Variants in OLFM1 observed in about 807,000 individuals in gnomAD.
The protein encoded by OLFM1 is noelin.
In OLFM1, 9 loss-of-function variants were observed where a neutral mutation model predicts 49.7. The ratio of observed to expected loss-of-function variants is 0.18; its 90% CI spans 0.11 to 0.32. The LOEUF is 0.32. Among genes scored for constraint, OLFM1 ranks in the 10% least tolerant of loss-of-function variants. OLFM1 has a pLI of 1.00. For missense variants in OLFM1, 369 were observed against 661.8 expected, an observed-to-expected ratio of 0.56 and a Z score of 4.85; for synonymous variants, 240 against 271.8, an observed-to-expected ratio of 0.88 and a Z score of 1.15.
Position 135,098,027 on chromosome 9 carries a change from A to G in OLFM1, c.457-259A>G. ...CATTTTTTGAAAAAGAAAGAAAAAA[A>G]AAACTTCGTGTATGTGACTCAAAGC... is the stretch of plus-strand genomic sequence containing the variant. On this transcript the variant is annotated intron_variant, in intron 3 of 5. Transcript: ENST00000371793. The surrounding 1 kb of genome is among the most constrained non-coding windows in gnomAD (Gnocchi z 5.6). 2 of 1,420,044 alleles carry G rather than the reference A, an allele frequency of 1.4e-6. No homozygotes were observed. The highest frequency in any genetic ancestry group is 3.1e-5 in the Admixed American group (1 of 31,790). The allele number at this position is 1,420,044 out of a possible 1,614,324, so 88.0% of individuals were successfully genotyped here.
intron 1 of OLFM1, chr9:135,077,341 T>A (rs1830481421): frequency 7.5e-7 from 1 of 1,324,864 alleles, no homozygotes; most frequent in Admixed American, 3.0e-5. Flanking sequence ...CAAGCCTTAA[T>A]GGCACCCTGA....
chr9:135,077,171 C>G (rs1464697353), intron 1 of OLFM1: 3 of 1,544,544 alleles, frequency 1.9e-6, no homozygotes, highest in Non-Finnish European at 1.7e-6. Flanking sequence ...CACACACATG[C>G]ACACACAGGG....
At position 135,098,033 on chromosome 9, in the gene OLFM1, TC is replaced by T; in HGVS notation, c.457-252del. 2.8e-6 allele frequency: 4 copies of T among 1,420,046 alleles called. No homozygotes were observed. The highest frequency in any genetic ancestry group is 2.7e-6 in the Non-Finnish European group (3 of 1,094,918). The allele number at this position is 1,420,046 out of a possible 1,614,324, so 88.0% of individuals were successfully genotyped here. On this transcript the variant is annotated intron_variant, in intron 3 of 5. Transcript: ENST00000371793. The surrounding 1 kb of genome is among the most constrained non-coding windows in gnomAD (Gnocchi z 5.6). Reference sequence around the variant, plus strand: ...TTGAAAAAGAAAGAAAAAAAAAACTTCGTGTATGTGACTCAAAGCATGTAAC... The same window carrying T: ...TTGAAAAAGAAAGAAAAAAAAAACTTGTGTATGTGACTCAAAGCATGTAAC...
Position 135,080,993 on chromosome 9 carries a change from T to C in OLFM1, c.96+5191T>C, listed in dbSNP as rs979993372. Among the ~76,000 whole-genome samples the C allele has an allele frequency of 9.3e-5, 14 of 151,244 alleles. No individual in the cohort carries two copies. Among genetic ancestry groups the C allele is most frequent in the African/African-American group, 3.4e-4 (14 of 41,270 alleles). On this transcript the variant is annotated intron_variant, in intron 1 of 5. Coordinates refer to the OLFM1 transcript ENST00000252854. This position sits in a 1 kb window ranked among gnomAD's most constrained non-coding sequence, Gnocchi z 4.5. The stretch of plus-strand genomic sequence containing the variant: ...ATAATAATGATAGTAAATAATATAC[T>C]ATATAAGATAAATAATGTAAGAAAC...
chr9:135,075,997 G>A (rs73664040), intron 1 of OLFM1: 1 of 1,437,060 alleles, frequency 7.0e-7, no homozygotes, highest in Non-Finnish European at 9.1e-7. Flanking sequence ...CAGGCTGACC[G>A]GAGACGGCGC....
chr9:135,116,048 G>A (rs1034637431), intron 5 of OLFM1, among the ~76,000 whole-genome samples: 9 of 152,200 alleles, frequency 5.9e-5, no homozygotes, highest in African/African-American at 1.9e-4. Context: ...ACTGTATTTG[G>A]GGCCGCCTCC....
intron 3 of OLFM1, chr9:135,097,629 A>G (rs1206485928): frequency 2.7e-6 from 2 of 732,540 alleles, no homozygotes; most frequent in African/African-American, 1.7e-5. Context: ...AGGGAATCTC[A>G]ATAACTCTTA....
chr9:135,106,833 T>G lies in OLFM1; in HGVS notation c.761T>G (p.Leu254Arg). ...SRFGSWMTDPLAPEGDNRVWY... is the reference protein window; with the variant it reads ...SRFGSWMTDPRAPEGDNRVWY... ...TTCGGATCCTGGATGACAGACCCTC[T>G]CGCCCCTGAAGGCGATAACCGGGTG... Residue 254 changes from leucine to arginine, a missense_variant, in exon 5 of 6, where the codon CTC becomes CGC. Transcript: ENST00000371793. 1.2e-6 allele frequency: 2 copies of G among 1,611,892 alleles called. No individual in the cohort carries two copies. The highest frequency in any genetic ancestry group is 1.7e-6 in the Non-Finnish European group (2 of 1,179,140).
At chr9:135,075,846 C>A in intron 1 of OLFM1, 1 of 1,547,454 alleles carries the variant, frequency 6.5e-7, no homozygotes, top group Non-Finnish European at 8.8e-7. Flanking sequence ...AGGCGCCCGG[C>A]CCGGCCCCTC....
intron 5 of OLFM1, among the ~76,000 whole-genome samples, chr9:135,112,606 G>A (rs1831038188): frequency 6.6e-6 from 1 of 152,210 alleles, no homozygotes; most frequent in Admixed American, 6.5e-5. Flanking sequence ...CTGCTTTCAG[G>A]CACCATTCTC....
At chr9:135,076,556 G>A in intron 1 of OLFM1, 1 of 1,118,278 alleles carries the variant, frequency 8.9e-7, no homozygotes, top group Non-Finnish European at 1.2e-6. Flanking sequence ...GAGAAGGGCT[G>A]TCTGTGAGCG....
At chr9:135,076,265 C>T in intron 1 of OLFM1, 2 of 1,550,572 alleles carry the variant, frequency 1.3e-6, no homozygotes, top group Non-Finnish European at 1.7e-6. Context: ...CCCTTGGGGG[C>T]TCCAGAAACA....
chr9:135,119,196 C>T (rs1458040043), intron 5 of OLFM1, among the ~76,000 whole-genome samples: 4 of 150,102 alleles, frequency 2.7e-5, no homozygotes, highest in Admixed American at 2.0e-4. Flanking sequence ...GGAGTACTCA[C>T]TGGGTCTTTG....
intron 1 of OLFM1, chr9:135,076,228 C>T: frequency 6.4e-7 from 1 of 1,550,604 alleles, no homozygotes; most frequent in Non-Finnish European, 8.7e-7. Flanking sequence ...CCCTGAGTGG[C>T]TCATCCTCCC....
At chr9:135,105,375 C>T (rs1334784377) in intron 4 of OLFM1, among the ~76,000 whole-genome samples, 1 of 152,236 alleles carries the variant, frequency 6.6e-6, no homozygotes, top group East Asian at 1.9e-4. Flanking sequence ...TCTGAAAGCC[C>T]TGGTGCCCGG....
At chr9:135,116,133 C>T (rs146618876) in intron 5 of OLFM1, among the ~76,000 whole-genome samples, 1 of 152,282 alleles carries the variant, frequency 6.6e-6, no homozygotes, top group East Asian at 1.9e-4. Flanking sequence ...AAGAAAAAGG[C>T]CTTTCAGATG....
chr9:135,105,043 G>A (rs966259066), intron 4 of OLFM1, among the ~76,000 whole-genome samples: 4 of 152,004 alleles, frequency 2.6e-5, no homozygotes, highest in African/African-American at 9.6e-5. Flanking sequence ...CAGATGGGGA[G>A]CATGGCCTGG....
At chr9:135,097,493 G>A (rs962132005) in intron 3 of OLFM1, among the ~76,000 whole-genome samples, 1 of 152,206 alleles carries the variant, frequency 6.6e-6, no homozygotes, top group African/African-American at 2.4e-5. Context: ...CTTGGCAAAC[G>A]TTGTTGACAC....
chr9:135,105,416 G>A (rs556081240), intron 4 of OLFM1, among the ~76,000 whole-genome samples: 2 of 152,204 alleles, frequency 1.3e-5, no homozygotes, highest in Admixed American at 6.5e-5. Flanking sequence ...CCACAGAATC[G>A]GAGACGCCTC....
Sources: allele counts gnomAD v4.1 joint callset (sites outside exome capture counted in the v4.1 genomes callset), GRCh38; gene constraint gnomAD v4.1.1; non-coding constraint Gnocchi (gnomAD v3.1); transcripts MANE v1.5; gene names NCBI Gene and HGNC (gene_info 2026-07-23, HGNC 2026-07-21).